Variants in ADGRV1 observed in about 807,000 individuals in gnomAD.
The protein encoded by ADGRV1 is G-protein coupled receptor 98.
In ADGRV1, 359 loss-of-function variants were observed where a neutral mutation model predicts 596.2. The observed-to-expected ratio is 0.60, with a 90% CI of 0.55 to 0.66. ADGRV1 has a LOEUF of 0.66. Among genes scored for constraint, ADGRV1 ranks in the 30% least tolerant of loss-of-function variants. The pLI is 0.00. For missense variants in ADGRV1, 7,274 were observed against 7,575.6 expected (o/e 0.96, Z 1.48); for synonymous variants, 2,681 against 2,679.2 (o/e 1.00, Z -0.02).
intron 83 of ADGRV1, among the ~76,000 whole-genome samples, chr5:90,925,457 C>T (rs1304985239): frequency 1.3e-5 from 2 of 152,110 alleles, no homozygotes; most frequent in Non-Finnish European, 2.9e-5. Context: ...TATAAGAGTG[C>T]TTGTGATTTT....
rs544995331 is a variant in ADGRV1, at chr5:90,867,974, G to T, written c.17856+4117G>T. On this transcript the variant is annotated intron_variant, in intron 83 of 89. Coordinates refer to ENST00000405460, the MANE Select transcript of ADGRV1 (RefSeq NM_032119.4). Reference sequence around the variant, plus strand: ...GAAGATTAGGAAATTGAGAAGCAGAGGGTCATTTTTCAGTAGAACATTTAT... The same window carrying T: ...GAAGATTAGGAAATTGAGAAGCAGATGGTCATTTTTCAGTAGAACATTTAT... Among the ~76,000 whole-genome samples the T allele has an allele frequency of 3.3e-5, 5 of 152,230 alleles. No individual in the cohort carries two copies. In the South Asian group the frequency reaches 8.3e-4, roughly 25 times the overall value.
At chr5:90,903,867 T>A (rs368110883) in intron 83 of ADGRV1, among the ~76,000 whole-genome samples, 4 of 152,154 alleles carry the variant, frequency 2.6e-5, no homozygotes, top group East Asian at 1.9e-4. Flanking sequence ...TCTTATTCAT[T>A]CTATTTTTTT....
chr5:91,106,706 G>A (rs1307393356), intron 87 of ADGRV1, among the ~76,000 whole-genome samples: 3 of 152,202 alleles, frequency 2.0e-5, no homozygotes, highest in Non-Finnish European at 4.4e-5. Context: ...TGAATGAATG[G>A]CTGGGCACTG....
chr5:90,707,365 T>C (rs1748741373), intron 38 of ADGRV1, among the ~76,000 whole-genome samples: 1 of 151,894 alleles, frequency 6.6e-6, no homozygotes, highest in Non-Finnish European at 1.5e-5. Context: ...AGCATGAATA[T>C]TGCAGTTGAG....
Position 90,652,357 on chromosome 5 carries a change from A to T in ADGRV1, c.3428A>T (p.His1143Leu). 5 of 1,591,898 alleles carry T rather than the reference A, an allele frequency of 3.1e-6. No homozygotes were observed. The highest frequency in any genetic ancestry group is 4.3e-6 in the Non-Finnish European group (5 of 1,170,406). ...AATTTATTTTGTAGGATTTTGAGGC[A>T]CCGAGGATACTTTGGTAGTGTTTCT... ...GKTNAFWILR[H>L]RGYFGSVSVS... The change falls in exon 19 of 90, where the codon CAC (histidine) becomes CTC (leucine). Residue 1143 changes from histidine to leucine, a missense_variant. Transcript: ENST00000405460.
chr5:90,960,849 G>T (rs1777942217), intron 83 of ADGRV1, among the ~76,000 whole-genome samples: 1 of 152,300 alleles, frequency 6.6e-6, no homozygotes, highest in Non-Finnish European at 1.5e-5. Context: ...CATTTGGATA[G>T]AATGGTGTAC....
intron 76 of ADGRV1, 50 bp from the exon 77 acceptor site, chr5:90,828,894 T>G: frequency 7.9e-7 from 1 of 1,272,796 alleles, no homozygotes; most frequent in African/African-American, 1.5e-5. Context: ...TATCTACAGA[T>G]AGAAATATAT....
chr5:90,651,494 T>A, intron 17 of ADGRV1, 110 bp from the exon 18 acceptor site: 1 of 960,044 alleles, frequency 1.0e-6, no homozygotes, highest in Non-Finnish European at 1.5e-6. Context: ...AGTGAGGAAA[T>A]TCTTGCTGAA....
rs1369951558 is a variant in ADGRV1, at chr5:90,679,630, G to A, written c.5524+1G>A. The stretch of plus-strand genomic sequence containing the variant: ...TTCCTTCCAACTATTCACAAACGTG[G>A]TAAGCAGTTTTTCCAAGGTCCTTTA... On this transcript the variant is annotated splice_donor_variant, in intron 26 of 89. Coordinates refer to ENST00000405460, the MANE Select transcript of ADGRV1 (RefSeq NM_032119.4). LOFTEE classifies it high-confidence loss of function. 6.2e-7 allele frequency: 1 copy of A among 1,611,074 alleles called. No individual in the cohort carries two copies. Among genetic ancestry groups the A allele is most frequent in the South Asian group, 1.1e-5 (1 of 90,916 alleles).
At chr5:90,697,977 G>A (rs1366173721) in intron 34 of ADGRV1, among the ~76,000 whole-genome samples, 1 of 152,180 alleles carries the variant, frequency 6.6e-6, no homozygotes, top group Non-Finnish European at 1.5e-5. Context: ...AGACTTGACA[G>A]TGTCAGATGG....
intron 21 of ADGRV1, among the ~76,000 whole-genome samples, chr5:90,668,606 T>C (rs1338192261): frequency 3.9e-5 from 6 of 152,154 alleles, no homozygotes; most frequent in Admixed American, 3.9e-4. Context: ...AGACCAGAGC[T>C]GTTCCTATTC....
chr5:90,719,986 G>A (rs529583689), intron 43 of ADGRV1, 62 bp from the exon 44 acceptor site: 22 of 1,280,502 alleles, frequency 1.7e-5, no homozygotes, highest in East Asian at 4.7e-5. Context: ...AGTAGATTTC[G>A]CTATATATGT....
chr5:90,683,839 A>C lies in ADGRV1; in HGVS notation c.5918A>C (p.Asp1973Ala). 6.2e-7 allele frequency: 1 copy of C among 1,613,790 alleles called. No individual in the cohort carries two copies. Among genetic ancestry groups the C allele is most frequent in the South Asian group, 1.1e-5 (1 of 91,048 alleles). Residue 1973 changes from aspartate to alanine, a missense_variant, in exon 28 of 90, where the codon GAT becomes GCT. Transcript: ENST00000405460. ...INATLTVLAS[D>A]DPYGIFIFSE... is the part of the protein sequence containing the mutation. ...GCCACGTTAACAGTTTTGGCTAGTG[A>C]TGATCCATATGGGATATTCATTTTT...
intron 1 of ADGRV1, among the ~76,000 whole-genome samples, chr5:90,593,049 A>T (rs1759731334): frequency 6.6e-6 from 1 of 152,192 alleles, no homozygotes; most frequent in Admixed American, 6.5e-5. Flanking sequence ...GTGATTCCTC[A>T]AGGACCTAGA....
chr5:90,625,308 A>G, intron 6 of ADGRV1, 65 bp downstream of exon 6: 1 of 1,005,976 alleles, frequency 9.9e-7, no homozygotes, highest in Non-Finnish European at 1.5e-6. Context: ...GTCCTGTATA[A>G]ACTTAGTGTA....
intron 10 of ADGRV1, among the ~76,000 whole-genome samples, chr5:90,636,720 T>C (rs1221741041): frequency 6.6e-6 from 1 of 152,084 alleles, no homozygotes; most frequent in Non-Finnish European, 1.5e-5. Context: ...GTTATAAGAA[T>C]CTTTGCTCAC....
chr5:90,757,663 A>G (rs1182252418), intron 57 of ADGRV1, among the ~76,000 whole-genome samples: 5 of 152,222 alleles, frequency 3.3e-5, no homozygotes, highest in African/African-American at 9.6e-5. Flanking sequence ...AACTTGAAAA[A>G]TTGAAAAACA....
intron 83 of ADGRV1, among the ~76,000 whole-genome samples, chr5:90,927,842 C>T (rs540050171): frequency 6.6e-6 from 1 of 152,182 alleles, no homozygotes; most frequent in African/African-American, 2.4e-5. Context: ...GATAAAATCT[C>T]TCAGCATTTG....
At chr5:91,037,980 G>A (rs1785043116) in intron 85 of ADGRV1, among the ~76,000 whole-genome samples, 1 of 152,094 alleles carries the variant, frequency 6.6e-6, no homozygotes, top group African/African-American at 2.4e-5. Flanking sequence ...TGTGTATAAG[G>A]TATACATGAA....
Sources: allele counts gnomAD v4.1 joint callset (sites outside exome capture counted in the v4.1 genomes callset), GRCh38; gene constraint gnomAD v4.1.1; transcripts MANE v1.5; gene names NCBI Gene and HGNC (gene_info 2026-07-23, HGNC 2026-07-21).